ACLY: variants seen among roughly 807,000 people sequenced by gnomAD.
ACLY encodes the protein ATP citrate lyase, also known as ATP-citrate synthase.
ACLY carries 41 observed loss-of-function variants against 133.0 expected under a neutral mutation model. The observed-to-expected ratio is 0.31, with a 90% CI of 0.24 to 0.40. The LOEUF is 0.40. ACLY is among the 10% of genes least tolerant of loss of function. The pLI, the probability that ACLY is intolerant of heterozygous loss-of-function variation, is 1.00. For missense variants in ACLY, 1,046 were observed against 1,453.8 expected (o/e 0.72, Z 4.56); for synonymous variants, 495 against 549.3 (o/e 0.90, Z 1.38).
intron 1 of ACLY, 62 bp downstream of exon 1, chr17:41,918,818 G>C: frequency 7.9e-7 from 1 of 1,266,768 alleles, no homozygotes; most frequent in Non-Finnish European, 1.0e-6. Flanking sequence ...GTTGGGGGAC[G>C]GAGGCAGGAA....
chr17:41,930,064 C>T (rs1555636453), intron 1 of ACLY, among the ~76,000 whole-genome samples: 1 of 152,212 alleles, frequency 6.6e-6, no homozygotes, highest in East Asian at 1.9e-4. Context: ...GGAAGGACGT[C>T]AGAATATGCC....
chr17:41,892,396 A>G lies in ACLY; in HGVS notation c.1653T>C (p.Pro551=). Residue 551 remains proline, a synonymous_variant, in exon 16 of 29, where the codon CCT becomes CCC. Transcript: ENST00000352035. Reference sequence around the variant, plus strand: ...TGGCATCAGCCATGTTCTTGAAGACAGGGATCAGGATCTCTTTGTGCCCCC... The same window carrying G: ...TGGCATCAGCCATGTTCTTGAAGACGGGGATCAGGATCTCTTTGTGCCCCC... ...FYWGHKEILI[P]VFKNMADAMR... is the part of the protein sequence containing the mutation. The G allele has an allele frequency of 1.2e-6, 2 of 1,613,918 alleles. No individual in the cohort carries two copies. Among genetic ancestry groups the G allele is most frequent in the Non-Finnish European group, 1.7e-6 (2 of 1,179,962 alleles).
intron 17 of ACLY, 124 bp downstream of exon 17, chr17:41,887,475 A>G (rs1052890799): frequency 1.4e-5 from 11 of 767,626 alleles, no homozygotes; most frequent in African/African-American, 1.4e-4. Context: ...GATTTTCAAC[A>G]CATACTTCCT....
chr17:41,910,397 CAA>C (rs1313254403), intron 3 of ACLY, 113 bp from the exon 4 acceptor site: 1 of 859,756 alleles, frequency 1.2e-6, no homozygotes, highest in Non-Finnish European at 1.8e-6. Flanking sequence ...CCACACCCAG[CAA>C]AGAGAGATTT....
Position 41,909,632 on chromosome 17 carries a change from C to T in ACLY, c.414G>A (p.Gly138=), listed in dbSNP as rs782319779. The T allele has an allele frequency of 2.0e-5, 33 of 1,614,088 alleles. No individual in the cohort carries two copies. Among genetic ancestry groups the T allele is most frequent in the Admixed American group, 5.0e-5 (3 of 60,006 alleles). ...CGTCCACATCACCCACGTCCACACCCCCCTCGTGGTGGAACAGGACGTAGT... is the reference window on the plus strand; with the variant it reads ...CGTCCACATCACCCACGTCCACACCTCCCTCGTGGTGGAACAGGACGTAGT... ...EGDYVLFHHE[G]GVDVGDVDAK... is the part of the protein sequence containing the mutation. The change falls in exon 5 of 29, where the codon GGG becomes GGA. Residue 138 remains glycine (G), a synonymous_variant. Coordinates refer to ENST00000352035, the MANE Select transcript of ACLY (RefSeq NM_001096.3).
intron 10 of ACLY, among the ~76,000 whole-genome samples, chr17:41,903,581 C>T (rs1042355742): frequency 2.6e-5 from 4 of 151,556 alleles, no homozygotes; most frequent in Non-Finnish European, 5.9e-5. Context: ...GGTGAAACCC[C>T]GTCTCTACTA....
chr17:41,914,455 C>T (rs2049995496), intron 1 of ACLY, among the ~76,000 whole-genome samples: 1 of 152,218 alleles, frequency 6.6e-6, no homozygotes. Context: ...ATGGCCAAGC[C>T]AGCAAGTTTA....
intron 17 of ACLY, among the ~76,000 whole-genome samples, chr17:41,886,816 C>G (rs1287834474): frequency 1.3e-5 from 2 of 151,854 alleles, no homozygotes; most frequent in Non-Finnish European, 2.9e-5. Context: ...AAAAAACAAA[C>G]AAAAAATAAT....
At chr17:41,909,098 C>A in intron 5 of ACLY, 30 bp from the exon 6 acceptor site, 1 of 1,571,996 alleles carries the variant, frequency 6.4e-7, no homozygotes, top group South Asian at 1.1e-5. Context: ...AGGGACAGTT[C>A]ATCCATCAGG....
intron 25 of ACLY, 29 bp downstream of exon 25, chr17:41,871,660 C>G (rs72837406): frequency 1.2e-6 from 2 of 1,613,454 alleles, no homozygotes; most frequent in African/African-American, 2.7e-5. Context: ...TGGCCTCCAT[C>G]CCACTTTTTT....
intron 16 of ACLY, among the ~76,000 whole-genome samples, chr17:41,889,196 G>A (rs1025373171): frequency 6.6e-6 from 1 of 152,008 alleles, no homozygotes; most frequent in African/African-American, 2.4e-5. Flanking sequence ...TTTGCCTTGG[G>A]CCATAGTTTG....
intron 16 of ACLY, among the ~76,000 whole-genome samples, chr17:41,891,314 C>T (rs994715392): frequency 1.3e-5 from 2 of 152,154 alleles, no homozygotes; most frequent in Non-Finnish European, 2.9e-5. Context: ...TGGCATCCAG[C>T]CAATCCCAGT....
At chr17:41,927,047 T>C (rs2050252166) in intron 1 of ACLY, among the ~76,000 whole-genome samples, 1 of 152,132 alleles carries the variant, frequency 6.6e-6, no homozygotes, top group South Asian at 2.1e-4. Context: ...TTTGTATTTT[T>C]AGTAGAGACA....
rs2050127356 is a variant in ACLY, at chr17:41,918,871, C to G, written c.-24+9G>C. On this transcript the variant is annotated intron_variant, in intron 1 of 28. Coordinates refer to ENST00000352035, the MANE Select transcript of ACLY (RefSeq NM_001096.3). ...GCTCCAGCCAGCGAAAACAGCCTCC[C>G]GTGCTCACCTCTGCCGAAGTCCGTG... The G allele has an allele frequency of 7.8e-7, 1 of 1,287,814 alleles. No individual in the cohort carries two copies. Among genetic ancestry groups the G allele is most frequent in the Admixed American group, 2.3e-5 (1 of 43,384 alleles). The allele number at this position is 1,287,814 out of a possible 1,614,324, so 79.8% of individuals were successfully genotyped here.
chr17:41,886,883 G>A (rs531648313), intron 17 of ACLY, among the ~76,000 whole-genome samples: 1 of 152,254 alleles, frequency 6.6e-6, no homozygotes, highest in Admixed American at 6.5e-5. Flanking sequence ...CAACACTTTT[G>A]GAGGCTGTAG....
At chr17:41,919,802 G>T (rs1464652199), upstream of ACLY, among the ~76,000 whole-genome samples, 1 of 152,206 alleles carries the variant, frequency 6.6e-6, no homozygotes, top group African/African-American at 2.4e-5. Context: ...GAGACAGATC[G>T]AATTTTCCAA....
At chr17:41,875,832 T>C (rs1376507164) in intron 22 of ACLY, among the ~76,000 whole-genome samples, 2 of 152,110 alleles carry the variant, frequency 1.3e-5, no homozygotes, top group African/African-American at 2.4e-5. Flanking sequence ...CCTCCCAAAG[T>C]GCCGAGATTG....
intron 18 of ACLY, 107 bp from the exon 19 acceptor site, chr17:41,884,381 A>C: frequency 1.3e-6 from 1 of 744,428 alleles, no homozygotes; most frequent in South Asian, 1.5e-5. Flanking sequence ...TTTTGGGGGG[A>C]TGTGGATGGC....
chr17:41,904,114 T>A (rs1337158106), intron 10 of ACLY, among the ~76,000 whole-genome samples: 1 of 135,504 alleles, frequency 7.4e-6, no homozygotes, highest in Non-Finnish European at 1.5e-5. Flanking sequence ...TGAAACTCCA[T>A]GGAAGGAAGA....
Sources: allele counts gnomAD v4.1 joint callset (sites outside exome capture counted in the v4.1 genomes callset), GRCh38; gene constraint gnomAD v4.1.1; transcripts MANE v1.5; gene names NCBI Gene and HGNC (gene_info 2026-07-23, HGNC 2026-07-21).